FBXO42: variants seen among roughly 807,000 people sequenced by gnomAD.
FBXO42 encodes F-box protein 42, also known as F-box only protein 42.
Under a neutral mutation model 71.7 loss-of-function variants are expected in FBXO42, and 12 were observed. The observed-to-expected ratio is 0.17, with a 90% confidence interval of 0.11 to 0.27. The LOEUF is 0.27. Among genes scored for constraint, FBXO42 ranks in the 10% least tolerant of loss-of-function variants. The pLI is 1.00. For synonymous variants in FBXO42, 325 were observed against 327.5 expected, an observed-to-expected ratio of 0.99 and a Z score of 0.08; for missense variants, 707 against 911.9, an observed-to-expected ratio of 0.78 and a Z score of 2.89.
chr1:16,278,089 G>T (rs2081924071), intron 4 of FBXO42, among the ~76,000 whole-genome samples: 1 of 152,074 alleles, frequency 6.6e-6, no homozygotes, highest in Admixed American at 6.5e-5. Flanking sequence ...AGGCGTGGTG[G>T]CTCATGCCTG....
intron 1 of FBXO42, among the ~76,000 whole-genome samples, chr1:16,326,723 A>ATTCTGATAGGT (rs1301041697): frequency 6.6e-6 from 1 of 151,936 alleles, no homozygotes; most frequent in East Asian, 1.9e-4. Context: ...TCTTGAGTTA[A>ATTCTGATAGGT]TTCTGATAGG....
At chr1:16,328,107 C>T (rs1215034920) in intron 1 of FBXO42, among the ~76,000 whole-genome samples, 2 of 152,124 alleles carry the variant, frequency 1.3e-5, no homozygotes, top group Non-Finnish European at 1.5e-5. Context: ...ACTGGTAAGA[C>T]TCAAAGCTCA....
At chr1:16,286,198 C>T (rs2082019785) in intron 4 of FBXO42, among the ~76,000 whole-genome samples, 1 of 152,112 alleles carries the variant, frequency 6.6e-6, no homozygotes, top group African/African-American at 2.4e-5. Flanking sequence ...TCACTCAGTC[C>T]CTTGGTAATC....
At chr1:16,300,728 T>C (rs1173316193) in intron 3 of FBXO42, among the ~76,000 whole-genome samples, 1 of 152,114 alleles carries the variant, frequency 6.6e-6, no homozygotes, top group African/African-American at 2.4e-5. Context: ...GCATTGTGTA[T>C]GAAACTACCT....
chr1:16,342,707 C>T (rs774523083), intron 1 of FBXO42, among the ~76,000 whole-genome samples: 7 of 151,950 alleles, frequency 4.6e-5, no homozygotes, highest in African/African-American at 9.7e-5. Context: ...TAAGGTTTGT[C>T]GCCACCAAAA....
intron 1 of FBXO42, among the ~76,000 whole-genome samples, chr1:16,347,823 A>G (rs1158276417): frequency 1.3e-5 from 2 of 152,102 alleles, no homozygotes; most frequent in Non-Finnish European, 2.9e-5. Flanking sequence ...CCCTGTCTTT[A>G]CTAAAAATAC....
At position 16,343,937 on chromosome 1, in the gene FBXO42, C is replaced by T. The variant is rs148458540; in HGVS notation, c.-18+8318G>A. Among the ~76,000 whole-genome samples, 29 of 147,724 alleles carry T rather than the reference C, an allele frequency of 2.0e-4. No individual in the cohort carries two copies. The East Asian group carries it at 5.3e-3, about 27-fold the overall frequency. On this transcript the variant is annotated intron_variant, in intron 1 of 9. Transcript: ENST00000375592. Reference sequence around the variant, plus strand: ...GGGCTGCATTGAGCCATAATCACACCACACTTTAGCATGGCAAAAAAAAAA... The same window carrying T: ...GGGCTGCATTGAGCCATAATCACACTACACTTTAGCATGGCAAAAAAAAAA...
At chr1:16,265,342 T>C (rs2081759655) in intron 4 of FBXO42, among the ~76,000 whole-genome samples, 1 of 152,108 alleles carries the variant, frequency 6.6e-6, no homozygotes, top group African/African-American at 2.4e-5. Flanking sequence ...CCTCCCGTCT[T>C]GGCCCCCCAA....
rs1163578836 is a variant in FBXO42, at chr1:16,251,355, G to A, written c.1469C>T (p.Pro490Leu). The change falls in exon 10 of 10, where the codon CCA (proline) becomes CTA (leucine). Residue 490 changes from proline (P) to leucine (L), a missense_variant. Around this residue, in one of 5 missense-constraint regions of FBXO42, gnomAD observed 482 missense variants for 587.1 expected, o/e 0.82. Coordinates refer to ENST00000375592, the MANE Select transcript of FBXO42 (RefSeq NM_018994.3). This position sits in a 1 kb window ranked among gnomAD's most constrained non-coding sequence, Gnocchi z 4.5. ...LSLAPRRGSL[P>L]DQKDLRLGSI... ...TCCTAATCTCAGATCTTTCTGATCT[G>A]GTAGTGATCCTCGTCGGGGGGCCAA... 5.0e-6 allele frequency: 8 copies of A among 1,614,184 alleles called. No individual in the cohort carries two copies. Among genetic ancestry groups the A allele is most frequent in the Non-Finnish European group, 5.9e-6 (7 of 1,180,024 alleles).
chr1:16,277,784 TAA>T (rs917291105), intron 4 of FBXO42, among the ~76,000 whole-genome samples: 1 of 151,570 alleles, frequency 6.6e-6, no homozygotes, highest in Non-Finnish European at 1.5e-5. Flanking sequence ...CTCAGGCCTG[TAA>T]TCCCAGCACT....
chr1:16,274,088 T>C (rs894340818), intron 4 of FBXO42, among the ~76,000 whole-genome samples: 3 of 151,998 alleles, frequency 2.0e-5, no homozygotes, highest in African/African-American at 4.8e-5. Flanking sequence ...GGCAGGAGGA[T>C]TGTTTGAGAC....
chr1:16,336,796 A>C (rs2082556961), intron 1 of FBXO42, among the ~76,000 whole-genome samples: 1 of 151,590 alleles, frequency 6.6e-6, no homozygotes, highest in Non-Finnish European at 1.5e-5. Context: ...CCAGCCTGGC[A>C]AACATGGTGA....
chr1:16,296,390 G>A (rs935542634), intron 3 of FBXO42, among the ~76,000 whole-genome samples: 1 of 149,352 alleles, frequency 6.7e-6, no homozygotes, highest in African/African-American at 2.6e-5. Flanking sequence ...AGTGGCTCAT[G>A]CCTGTAATCC....
At chr1:16,305,616 G>C (rs953555453) in intron 3 of FBXO42, among the ~76,000 whole-genome samples, 187 bp downstream of exon 3, 1 of 152,144 alleles carries the variant, frequency 6.6e-6, no homozygotes, top group African/African-American at 2.4e-5. Flanking sequence ...AGGAGGCTGA[G>C]GTGGGAGGAT....
intron 4 of FBXO42, among the ~76,000 whole-genome samples, chr1:16,258,003 T>TC: frequency 6.6e-6 from 1 of 151,066 alleles, no homozygotes; most frequent in East Asian, 1.9e-4. Flanking sequence ...TTTTTTAAAA[T>TC]CTTTTTTTTT....
rs2081602817 is a variant in FBXO42, at chr1:16,252,421, C to A, written c.922-17G>T. 2 of 1,595,542 alleles carry A rather than the reference C, an allele frequency of 1.3e-6. No individual in the cohort carries two copies. Among genetic ancestry groups the A allele is most frequent in the African/African-American group, 2.7e-5 (2 of 74,664 alleles). ...CTTGAATAGCTGTAAGAGAAAAAAC[C>A]AATAACAAGACTCAGGTGTGATATG... On this transcript the variant is annotated splice_polypyrimidine_tract_variant and intron_variant, in intron 8 of 9. Transcript: ENST00000375592. This position sits in a 1 kb window ranked among gnomAD's most constrained non-coding sequence, Gnocchi z 4.4.
intron 4 of FBXO42, among the ~76,000 whole-genome samples, chr1:16,281,116 T>C (rs919587311): frequency 6.6e-6 from 1 of 151,750 alleles, no homozygotes; most frequent in African/African-American, 2.4e-5. Flanking sequence ...GCATGCACCA[T>C]CACACCTGGC....
intron 1 of FBXO42, among the ~76,000 whole-genome samples, chr1:16,318,542 A>G (rs2082389531): frequency 6.6e-6 from 1 of 152,230 alleles, no homozygotes. Context: ...TCTACAAAGA[A>G]AGCATACACA....
At position 16,315,181 on chromosome 1, in the gene FBXO42, G is replaced by A. The variant is rs139670810; in HGVS notation, c.238C>T (p.Arg80Ter). ...CTATCCACAGTACCTTTGATAAGTC[G>A]ATACCACTGTTTGCAGACAAGGGCC... The part of the protein sequence containing the change: ...TAALVCKQWY[R>*]LIKGVAHQCY... The change falls in exon 2 of 10, where the codon CGA becomes TGA. Residue 80 changes from arginine to a stop codon, truncating the protein, a stop_gained. Transcript: ENST00000375592. LOFTEE classifies it high-confidence loss of function. The A allele has an allele frequency of 1.2e-6, 2 of 1,612,410 alleles. No homozygotes were observed. Among genetic ancestry groups the A allele is most frequent in the Admixed American group, 1.7e-5 (1 of 59,920 alleles).
Sources: allele counts gnomAD v4.1 joint callset (sites outside exome capture counted in the v4.1 genomes callset), GRCh38; gene constraint gnomAD v4.1.1; regional missense constraint gnomAD v4.1.1; non-coding constraint Gnocchi (gnomAD v3.1); transcripts MANE v1.5; gene names NCBI Gene and HGNC (gene_info 2026-07-23, HGNC 2026-07-21).